The following DAPK1 variants were observed in gnomAD, a reference collection of about 807,000 sequenced individuals.
DAPK1 encodes death associated protein kinase 1.
Under a neutral mutation model 144.9 loss-of-function variants are expected in DAPK1, and 56 were observed. That is an observed-to-expected ratio of 0.39 (90% CI 0.31 to 0.48). DAPK1 has a LOEUF of 0.48. Among genes scored for constraint, DAPK1 ranks in the 20% least tolerant of loss-of-function variants. The probability of loss-of-function intolerance (pLI) is 0.95; values close to 1 mark genes in which losing one functional copy is unlikely to be tolerated. For missense variants in DAPK1, 1,454 were observed against 1,875.4 expected (o/e 0.78, Z 4.15); for synonymous variants, 690 against 749.0 (o/e 0.92, Z 1.29).
chr9:87,499,117 G>A lies in DAPK1; in HGVS notation c.40G>A (p.Asp14Asn). Residue 14 changes from aspartate (D) to asparagine (N), a missense_variant, in exon 2 of 26, where the codon GAC becomes AAC. By Grantham distance (23) the Asp-to-Asn change is conservative. Coordinates refer to ENST00000408954, the MANE Select transcript of DAPK1 (RefSeq NM_004938.4). The part of the protein sequence containing the change: ...FRQENVDDYY[D>N]TGEELGSGQF... Reference sequence around the variant, plus strand: ...GCAGGAAAACGTGGATGATTACTACGACACCGGCGAGGAACTTGGCAGGTA... The same window carrying A: ...GCAGGAAAACGTGGATGATTACTACAACACCGGCGAGGAACTTGGCAGGTA... 3 of 1,614,036 alleles carry A rather than the reference G, an allele frequency of 1.9e-6. No homozygotes were observed. The highest frequency in any genetic ancestry group is 2.5e-6 in the Non-Finnish European group (3 of 1,179,976).
intron 21 of DAPK1, among the ~76,000 whole-genome samples, chr9:87,688,881 T>C (rs1481201084): frequency 6.6e-6 from 1 of 152,208 alleles, no homozygotes; most frequent in African/African-American, 2.4e-5. Flanking sequence ...CCTCCCATTC[T>C]GTAGGTTGTC....
chr9:87,623,572 G>T (rs995760039), intron 3 of DAPK1, among the ~76,000 whole-genome samples: 2 of 152,146 alleles, frequency 1.3e-5, no homozygotes, highest in African/African-American at 4.8e-5. Flanking sequence ...AAAGGAACTG[G>T]AATAAAATTG....
At chr9:87,608,899 G>T (rs1587765326) in intron 3 of DAPK1, among the ~76,000 whole-genome samples, 1 of 152,176 alleles carries the variant, frequency 6.6e-6, no homozygotes, top group Non-Finnish European at 1.5e-5. Flanking sequence ...CTGAGGGGTT[G>T]TGATGGTTAC....
intron 2 of DAPK1, among the ~76,000 whole-genome samples, chr9:87,573,547 A>G (rs1374734446): frequency 6.6e-6 from 1 of 152,226 alleles, no homozygotes; most frequent in Non-Finnish European, 1.5e-5. Context: ...TTTGCAGAGA[A>G]GGACAGCACA....
intron 15 of DAPK1, 57 bp from the exon 16 acceptor site, chr9:87,649,864 A>G: frequency 6.3e-7 from 1 of 1,576,048 alleles, no homozygotes; most frequent in Non-Finnish European, 8.7e-7. Flanking sequence ...ACCTTGCTTT[A>G]TACTTTGTTT....
chr9:87,507,387 T>G (rs1824645358), intron 2 of DAPK1, among the ~76,000 whole-genome samples: 1 of 152,178 alleles, frequency 6.6e-6, no homozygotes, highest in Non-Finnish European at 1.5e-5. Flanking sequence ...TAATTTTGTA[T>G]TTTTAGAGGA....
At chr9:87,620,135 CTGGCCCTCTCCCCAGG>C (rs776826826) in intron 3 of DAPK1, among the ~76,000 whole-genome samples, 76 of 152,332 alleles carry the variant, frequency 5.0e-4, no homozygotes, top group Non-Finnish European at 8.4e-4. Context: ...CACCCTCTCC[CTGGCCCTCTCCCCAGG>C]TGGGCGGTGG....
At chr9:87,497,709 A>C (rs926308474), upstream of DAPK1, 1 of 234,044 alleles carries the variant, frequency 4.3e-6, no homozygotes, top group East Asian at 8.9e-5. Context: ...CGGAGCGCGG[A>C]GCTGGGAGGA....
intron 1 of DAPK1, chr9:87,498,393 C>T (rs902347863): frequency 4.9e-5 from 17 of 344,234 alleles, no homozygotes; most frequent in African/African-American, 1.3e-4. Context: ...CCCTTCCCTC[C>T]CTTGCTCCCC....
intron 3 of DAPK1, among the ~76,000 whole-genome samples, chr9:87,607,080 C>CT (rs61034063): frequency 0.058 from 8,866 of 151,748 alleles, 858 homozygotes; most frequent in African/African-American, 0.2. Flanking sequence ...ACTGAGAACT[C>CT]TGGCTTTAAA....
chr9:87,650,994 G>A (rs1830424694), intron 16 of DAPK1, among the ~76,000 whole-genome samples: 1 of 152,128 alleles, frequency 6.6e-6, no homozygotes, highest in Non-Finnish European at 1.5e-5. Flanking sequence ...TATTCATTAG[G>A]GATTCTGTAA....
chr9:87,559,494 T>C (rs1826831629), intron 2 of DAPK1, among the ~76,000 whole-genome samples: 1 of 152,170 alleles, frequency 6.6e-6, no homozygotes, highest in African/African-American at 2.4e-5. Context: ...ATTTTTAATA[T>C]TCTTTAATTT....
At chr9:87,569,936 C>G (rs1191799354) in intron 2 of DAPK1, among the ~76,000 whole-genome samples, 1 of 152,184 alleles carries the variant, frequency 6.6e-6, no homozygotes, top group Non-Finnish European at 1.5e-5. Context: ...TAAACTACTA[C>G]TTCTAGACTT....
At chr9:87,660,032 G>A (rs564263400) in intron 18 of DAPK1, among the ~76,000 whole-genome samples, 48 of 152,282 alleles carry the variant, frequency 3.2e-4, no homozygotes, top group African/African-American at 9.1e-4. Flanking sequence ...GGCTGGGGGC[G>A]CCCCTGCGGG....
chr9:87,654,303 A>T (rs1388592374), intron 17 of DAPK1, among the ~76,000 whole-genome samples: 7 of 152,232 alleles, frequency 4.6e-5, no homozygotes. Flanking sequence ...CGATTATGCT[A>T]AAAATGAAGT....
chr9:87,632,118 G>C, intron 3 of DAPK1: 2 of 643,446 alleles, frequency 3.1e-6, no homozygotes, highest in Non-Finnish European at 1.9e-6. Flanking sequence ...ATGTATGTGT[G>C]TGTGTATATA....
At chr9:87,562,842 A>G (rs1826980374) in intron 2 of DAPK1, among the ~76,000 whole-genome samples, 1 of 152,242 alleles carries the variant, frequency 6.6e-6, no homozygotes, top group Admixed American at 6.5e-5. Flanking sequence ...GCTATTGCAG[A>G]GCAAAGACAA....
chr9:87,563,468 C>A (rs1228320208), intron 2 of DAPK1, among the ~76,000 whole-genome samples: 2 of 152,216 alleles, frequency 1.3e-5, no homozygotes, highest in Non-Finnish European at 2.9e-5. Flanking sequence ...CTCCCTGTTG[C>A]ATCTTGGCTT....
At chr9:87,594,720 C>T (rs182498418) in intron 2 of DAPK1, among the ~76,000 whole-genome samples, 3 of 152,326 alleles carry the variant, frequency 2.0e-5, no homozygotes, top group Admixed American at 1.3e-4. Flanking sequence ...CCACTGCCTG[C>T]CTGAAATAAA....
Sources: gnomAD v4.1 joint callset for allele counts (sites outside exome capture counted in the v4.1 genomes callset) on GRCh38, gnomAD v4.1.1 for gene constraint, MANE v1.5 for transcripts, NCBI Gene and HGNC (gene_info 2026-07-23, HGNC 2026-07-21) for gene names.